Variants in SLC25A10 observed in about 807,000 individuals in gnomAD.
The protein encoded by SLC25A10 is solute carrier family 25 member 10, also known as mitochondrial dicarboxylate carrier.
In SLC25A10, 32 loss-of-function variants were observed where a neutral mutation model predicts 40.4. That is an observed-to-expected ratio of 0.79 (90% confidence interval 0.60 to 1.06). The LOEUF (loss-of-function observed/expected upper bound fraction) is 1.06, where lower values mean the gene tolerates loss of function less well. SLC25A10 is among the 50% of genes least tolerant of loss of function. The pLI is 0.00. For synonymous variants in SLC25A10, 181 were observed against 171.1 expected, an observed-to-expected ratio of 1.06 and a Z score of -0.45; for missense variants, 394 against 402.6, an observed-to-expected ratio of 0.98 and a Z score of 0.18.
At chr17:81,716,970 C>CTCACCCCTGGCT (rs771258224) in intron 6 of SLC25A10, 32 bp from the exon 7 acceptor site, 1 of 1,612,816 alleles carries the variant, frequency 6.2e-7, no homozygotes, top group Non-Finnish European at 8.5e-7. Flanking sequence ...CACCCCTTGC[C>CTCACCCCTGGCT]TCACCCCTTG....
chr17:81,718,720 C>T (rs35740875), intron 9 of SLC25A10, among the ~76,000 whole-genome samples: 8,942 of 151,224 alleles, frequency 0.059, 342 homozygotes, highest in East Asian at 0.22. Context: ...GAGGCCAAGG[C>T]GGGCAGATCA....
intron 1 of SLC25A10, 121 bp from the exon 2 acceptor site, chr17:81,714,832 C>A: frequency 2.2e-6 from 3 of 1,357,046 alleles, no homozygotes; most frequent in Non-Finnish European, 3.0e-6. Context: ...GGTGTGGAGT[C>A]CCCGGGCAGG....
At chr17:81,717,160 G>A (rs950037629) in intron 7 of SLC25A10, 88 bp downstream of exon 7, 21 of 1,455,988 alleles carry the variant, frequency 1.4e-5, no homozygotes, top group African/African-American at 2.8e-5. Flanking sequence ...GGCACTGGGC[G>A]CCAAAACCCT....
In SLC25A10 at chr17:81,712,297, G is replaced by C. The variant is rs1316382973; in HGVS notation, c.-130G>C. On this transcript the variant is annotated 5_prime_UTR_variant, in exon 1 of 11. Coordinates refer to ENST00000350690, the MANE Select transcript of SLC25A10 (RefSeq NM_012140.5). Reference sequence around the variant, plus strand: ...GGGCGCGCGCGCGCATTGGCTGTGCGGGGTGCGGGCGCGCGGGCGGCGCTT... The same window carrying C: ...GGGCGCGCGCGCGCATTGGCTGTGCCGGGTGCGGGCGCGCGGGCGGCGCTT... 6 of 394,388 alleles carry C rather than the reference G, an allele frequency of 1.5e-5. No homozygotes were observed. The highest frequency in any genetic ancestry group is 4.4e-5 in the African/African-American group (2 of 45,974). The allele number at this position is 394,388 out of a possible 1,614,324, so 24.4% of individuals were successfully genotyped here.
intron 5 of SLC25A10, 61 bp from the exon 6 acceptor site, chr17:81,716,751 A>G: frequency 6.5e-7 from 1 of 1,542,124 alleles, no homozygotes; most frequent in Non-Finnish European, 8.8e-7. Flanking sequence ...GCCTGGGAGG[A>G]CCCTCTGTGG....
At chr17:81,716,786 A>C in intron 5 of SLC25A10, 26 bp from the exon 6 acceptor site, 1 of 1,598,986 alleles carries the variant, frequency 6.3e-7, no homozygotes, top group Non-Finnish European at 8.5e-7. Flanking sequence ...GGGGAGTCTC[A>C]TGTGGTCATT....
chr17:81,718,340 C>T (rs2037526221), intron 9 of SLC25A10, among the ~76,000 whole-genome samples: 2 of 151,938 alleles, frequency 1.3e-5, no homozygotes. Context: ...AAAAAATTGG[C>T]TGGGTGTGGT....
In SLC25A10 at chr17:81,720,623, AC is replaced by A; in HGVS notation, c.*548del. The A allele has an allele frequency of 2.2e-6, 2 of 919,756 alleles. No homozygotes were observed. Among genetic ancestry groups the A allele is most frequent in the Non-Finnish European group, 2.9e-6 (2 of 698,288 alleles). 57.0% of individuals were successfully genotyped at this position (919,756 alleles called of 1,614,324 possible). On this transcript the variant is annotated 3_prime_UTR_variant, in exon 11 of 11. Coordinates refer to ENST00000350690, the MANE Select transcript of SLC25A10 (RefSeq NM_012140.5). ...TGGGTGGGATGAACAAGCAACGCAGACCACAAGCGAGTGCCTGGGAGGGAGT... is the reference window on the plus strand; with the variant it reads ...TGGGTGGGATGAACAAGCAACGCAGACACAAGCGAGTGCCTGGGAGGGAGT...
At chr17:81,714,740 G>A (rs934168965) in intron 1 of SLC25A10, among the ~76,000 whole-genome samples, 11 of 152,220 alleles carry the variant, frequency 7.2e-5, no homozygotes, top group South Asian at 2.1e-4. Flanking sequence ...GGGCGCTCGC[G>A]GGGCTCGCGG....
intron 2 of SLC25A10, 115 bp downstream of exon 2, chr17:81,715,187 G>A (rs942071240): frequency 2.8e-5 from 40 of 1,434,536 alleles, no homozygotes; most frequent in Non-Finnish European, 3.6e-5. Flanking sequence ...CCACCAGGCC[G>A]AGAGCTGGTG....
In SLC25A10 at chr17:81,720,890, C is replaced by T. The variant is rs995546862; in HGVS notation, c.*813C>T. 1.1e-4 allele frequency: 19 copies of T among 175,598 alleles called. No homozygotes were observed. The highest frequency in any genetic ancestry group is 2.0e-4 in the South Asian group (1 of 5,016). 10.9% of individuals were successfully genotyped at this position (175,598 alleles called of 1,614,324 possible). On this transcript the variant is annotated 3_prime_UTR_variant, in exon 11 of 11. Transcript: ENST00000350690. ...CGGTTCCTCCTTAGGGCCTTCTCCC[C>T]GACAAGGAGTCCGACGGGGCGGATG... is the stretch of plus-strand genomic sequence containing the variant.
chr17:81,720,593 G>A lies in SLC25A10; in HGVS notation c.*516G>A, dbSNP rs2037573114. 19 of 1,147,734 alleles carry A rather than the reference G, an allele frequency of 1.7e-5. No homozygotes were observed. The South Asian group carries it at 2.8e-4, about 17-fold the overall frequency. 71.1% of individuals were successfully genotyped at this position (1,147,734 alleles called of 1,614,324 possible). A position where few individuals can be genotyped will look rare whatever the true frequency, so the allele number is the denominator to read the frequency against. ...CAGCTGCAACTCCCCGCGAGACCCC[G>A]CAGCTGGGTGGGATGAACAAGCAAC... On this transcript the variant is annotated 3_prime_UTR_variant, in exon 11 of 11. Transcript: ENST00000350690.
At chr17:81,718,533 TA>T (rs2037529976) in intron 9 of SLC25A10, among the ~76,000 whole-genome samples, 1 of 152,186 alleles carries the variant, frequency 6.6e-6, no homozygotes, top group African/African-American at 2.4e-5. Flanking sequence ...TGCATGCCTG[TA>T]GTTCCAGCTA....
chr17:81,717,582 G>A, intron 8 of SLC25A10, 91 bp downstream of exon 8: 1 of 1,476,868 alleles, frequency 6.8e-7, no homozygotes, highest in Non-Finnish European at 9.4e-7. Flanking sequence ...GGGGAGGCGG[G>A]GGCCTTGGGC....
chr17:81,715,398 G>A (rs1369330473), intron 2 of SLC25A10, 80 bp from the exon 3 acceptor site: 6 of 1,270,222 alleles, frequency 4.7e-6, no homozygotes, highest in South Asian at 3.7e-5. Flanking sequence ...GGGCTGAGGG[G>A]GATCCCTGGC....
At chr17:81,714,725 A>ACGCGGGGCGCT (rs1212297349) in intron 1 of SLC25A10, among the ~76,000 whole-genome samples, 3 of 152,232 alleles carry the variant, frequency 2.0e-5, no homozygotes, top group African/African-American at 7.2e-5. Flanking sequence ...CTCAGGTGGT[A>ACGCGGGGCGCT]CGCGGGGCGC....
intron 3 of SLC25A10, 30 bp from the exon 4 acceptor site, chr17:81,715,663 G>C (rs772757177): frequency 1.2e-6 from 2 of 1,613,186 alleles, no homozygotes; most frequent in Admixed American, 3.3e-5. Context: ...GTGTCAGCAC[G>C]GCTCATCTCT....
chr17:81,720,295 C>G lies in SLC25A10; in HGVS notation c.*218C>G. 7.0e-7 allele frequency: 1 copy of G among 1,435,940 alleles called. No individual in the cohort carries two copies. Among genetic ancestry groups the G allele is most frequent in the Non-Finnish European group, 9.1e-7 (1 of 1,100,438 alleles). 88.9% of individuals were successfully genotyped at this position (1,435,940 alleles called of 1,614,324 possible). A position where few individuals can be genotyped will look rare whatever the true frequency, so the allele number is the denominator to read the frequency against. On this transcript the variant is annotated 3_prime_UTR_variant, in exon 11 of 11. Transcript: ENST00000350690. Reference sequence around the variant, plus strand: ...CCACCCCCGCTCTGGCTACCAGGCTCTCCCGGCTGGGCACTGCGTGGCCTT... The same window carrying G: ...CCACCCCCGCTCTGGCTACCAGGCTGTCCCGGCTGGGCACTGCGTGGCCTT...
chr17:81,713,935 G>A (rs967391928), intron 1 of SLC25A10, among the ~76,000 whole-genome samples: 1 of 152,234 alleles, frequency 6.6e-6, no homozygotes, highest in Non-Finnish European at 1.5e-5. Context: ...CCTGAGGACT[G>A]CTCACCAGGC....
Sources: gnomAD v4.1 joint callset for allele counts (sites outside exome capture counted in the v4.1 genomes callset) on GRCh38, gnomAD v4.1.1 for gene constraint, MANE v1.5 for transcripts, NCBI Gene and HGNC (gene_info 2026-07-23, HGNC 2026-07-21) for gene names.